The following SPOP variants were observed in gnomAD, a reference collection of about 807,000 sequenced individuals.
SPOP encodes the protein speckle-type POZ protein.
SPOP carries 11 observed loss-of-function variants against 45.6 expected under a neutral mutation model. The ratio of observed to expected loss-of-function variants is 0.24; its 90% CI spans 0.15 to 0.40. SPOP has a LOEUF of 0.40. SPOP is among the 10% of genes least tolerant of loss of function. The probability of loss-of-function intolerance (pLI) is 1.00; values close to 1 mark genes in which losing one functional copy is unlikely to be tolerated. For missense variants in SPOP, 152 were observed against 465.6 expected (o/e 0.33, Z 6.20); for synonymous variants, 166 against 166.3 (o/e 1.00, Z 0.01).
chr17:49,618,951 T>G (rs2072150044), intron 5 of SPOP, 30 bp downstream of exon 5: 1 of 1,601,192 alleles, frequency 6.2e-7, no homozygotes, highest in South Asian at 1.1e-5. Flanking sequence ...ATCTGGGAAC[T>G]GCTAGTCTCA....
At chr17:49,650,378 G>A (rs2072826666) in intron 1 of SPOP, among the ~76,000 whole-genome samples, 1 of 151,930 alleles carries the variant, frequency 6.6e-6, no homozygotes, top group African/African-American at 2.4e-5. Context: ...TCAGGAGTTT[G>A]AGACCAGCCT....
intron 1 of SPOP, among the ~76,000 whole-genome samples, chr17:49,640,756 C>T (rs2072631666): frequency 6.6e-6 from 1 of 152,184 alleles, no homozygotes; most frequent in Non-Finnish European, 1.5e-5. Flanking sequence ...GGCCTCATTT[C>T]CAACTACGTT....
At chr17:49,648,302 T>C (rs1457834095) in intron 1 of SPOP, among the ~76,000 whole-genome samples, 3 of 152,224 alleles carry the variant, frequency 2.0e-5, no homozygotes, top group Non-Finnish European at 4.4e-5. Flanking sequence ...CAGCTCTTTA[T>C]CTGAACCTAC....
chr17:49,648,139 C>T (rs1033783858), intron 1 of SPOP, among the ~76,000 whole-genome samples: 1 of 152,186 alleles, frequency 6.6e-6, no homozygotes, highest in Non-Finnish European at 1.5e-5. Flanking sequence ...TTTGTCCAAG[C>T]CAGAGTTTTC....
rs2143099583 is a variant in SPOP at position 49,600,522 on chromosome 17, A to T, written c.981T>A (p.Tyr327Ter). 6.2e-7 allele frequency: 1 copy of T among 1,614,122 alleles called. No homozygotes were observed. The highest frequency in any genetic ancestry group is 8.5e-7 in the Non-Finnish European group (1 of 1,179,996). Residue 327 changes from tyrosine (Y) to a stop codon, truncating the protein, a stop_gained and splice_region_variant, in exon 10 of 10, where the codon TAT becomes TAA. Transcript: ENST00000504102. LOFTEE classifies it high-confidence loss of function. The surrounding 1 kb of genome is among the most constrained non-coding windows in gnomAD (Gnocchi z 4.2). Reference sequence around the variant, plus strand: ...AGGTCTCCAAGACATCCGAAGCATGACTAGGAGAAATGTGGAGAAATGGGT... The same window carrying T: ...AGGTCTCCAAGACATCCGAAGCATGTCTAGGAGAAATGTGGAGAAATGGGT... The part of the protein sequence containing the change: ...LKTQAVDFIN[Y>*]HASDVLETSG...
At chr17:49,648,355 T>A (rs936566379) in intron 1 of SPOP, among the ~76,000 whole-genome samples, 1 of 152,226 alleles carries the variant, frequency 6.6e-6, no homozygotes, top group Non-Finnish European at 1.5e-5. Context: ...ATTCATCACC[T>A]ACCACTCTCC....
At chr17:49,615,511 T>C (rs1186004600) in intron 5 of SPOP, among the ~76,000 whole-genome samples, 2 of 152,168 alleles carry the variant, frequency 1.3e-5, no homozygotes, top group Non-Finnish European at 2.9e-5. Flanking sequence ...TTTATTTATT[T>C]ATTTTTTAAC....
intron 1 of SPOP, among the ~76,000 whole-genome samples, chr17:49,670,389 G>C (rs2073121586): frequency 6.6e-6 from 1 of 152,144 alleles, no homozygotes; most frequent in African/African-American, 2.4e-5. Context: ...ATACAACCAG[G>C]ATTTAATTTG....
chr17:49,635,314 G>A (rs1355379224), intron 1 of SPOP, among the ~76,000 whole-genome samples: 1 of 152,194 alleles, frequency 6.6e-6, no homozygotes, highest in African/African-American at 2.4e-5. Context: ...AAATAGGGAA[G>A]GTTAGACAGA....
intron 1 of SPOP, among the ~76,000 whole-genome samples, chr17:49,669,237 T>G (rs930922785): frequency 3.2e-4 from 49 of 151,246 alleles, no homozygotes; most frequent in African/African-American, 1.1e-3. Flanking sequence ...CGGATAATTT[T>G]TGCATTTTTA....
intron 5 of SPOP, among the ~76,000 whole-genome samples, chr17:49,615,792 G>A (rs894973988): frequency 2.0e-5 from 3 of 152,066 alleles, no homozygotes; most frequent in Admixed American, 6.6e-5. Context: ...GTAGTGCAGC[G>A]GACTAGAGAT....
chr17:49,666,209 G>T (rs765210708), intron 1 of SPOP, among the ~76,000 whole-genome samples: 1 of 151,732 alleles, frequency 6.6e-6, no homozygotes, highest in Non-Finnish European at 1.5e-5. Flanking sequence ...GGGAACAGAT[G>T]GACTATTCAA....
At position 49,642,111 on chromosome 17, in the gene SPOP, G is replaced by A. The variant is rs762108252; in HGVS notation, c.-66-19235C>T. ...AAGAACTCTCATGTACTGCTGGTGCGGTGCAAATCAGCATAACTATTATGG... is the reference window on the plus strand; with the variant it reads ...AAGAACTCTCATGTACTGCTGGTGCAGTGCAAATCAGCATAACTATTATGG... On this transcript the variant is annotated intron_variant, in intron 1 of 9. Coordinates refer to ENST00000504102, the MANE Select transcript of SPOP (RefSeq NM_001007228.2). 3.3e-5 allele frequency among the ~76,000 whole-genome samples: 5 copies of A among 151,826 alleles called. No individual in the cohort carries two copies. The East Asian group carries it at 5.8e-4, about 18-fold the overall frequency.
intron 1 of SPOP, among the ~76,000 whole-genome samples, chr17:49,638,737 T>C (rs369429006): frequency 8.5e-5 from 13 of 152,330 alleles, no homozygotes; most frequent in African/African-American, 2.9e-4. Context: ...AAAACTGTGC[T>C]AAATGACTGA....
chr17:49,645,183 T>C (rs1236743451), intron 1 of SPOP, among the ~76,000 whole-genome samples: 2 of 152,208 alleles, frequency 1.3e-5, no homozygotes, highest in Admixed American at 1.3e-4. Context: ...GAAAATCCTG[T>C]GTTGGTAAAT....
At chr17:49,639,113 TAGAA>T (rs1191004504) in intron 1 of SPOP, among the ~76,000 whole-genome samples, 3 of 152,166 alleles carry the variant, frequency 2.0e-5, no homozygotes, top group Non-Finnish European at 4.4e-5. Flanking sequence ...CCTCTGAGGA[TAGAA>T]AGATAGAATG....
intron 1 of SPOP, among the ~76,000 whole-genome samples, chr17:49,624,331 G>GCGCGCGCACACACA (rs71352523): frequency 9.4e-5 from 14 of 149,308 alleles, no homozygotes; most frequent in African/African-American, 3.0e-4. Context: ...GCGCGCGCGC[G>GCGCGCGCACACACA]CACACACACA....
chr17:49,611,084 G>A (rs1352158277), intron 6 of SPOP, among the ~76,000 whole-genome samples, 196 bp downstream of exon 6: 1 of 152,078 alleles, frequency 6.6e-6, no homozygotes, highest in African/African-American at 2.4e-5. Context: ...CTACAGAGAG[G>A]AAAAACAGAA....
At chr17:49,646,055 T>A (rs1355751851) in intron 1 of SPOP, 1 of 152,210 alleles carries the variant, frequency 6.6e-6, no homozygotes, top group Non-Finnish European at 1.5e-5. Flanking sequence ...GCCTTTCCTT[T>A]CTGTATTATG....
Sources: gnomAD v4.1 joint callset for allele counts (sites outside exome capture counted in the v4.1 genomes callset) on GRCh38, gnomAD v4.1.1 for gene constraint, Gnocchi (gnomAD v3.1) non-coding constraint, MANE v1.5 for transcripts, NCBI Gene and HGNC (gene_info 2026-07-23, HGNC 2026-07-21) for gene names.